The following PALLD variants were observed in gnomAD, a reference collection of about 807,000 sequenced individuals.
The protein encoded by PALLD is palladin, cytoskeletal associated protein, also known as palladin.
PALLD carries 61 observed loss-of-function variants against 123.5 expected under a neutral mutation model. That is an observed-to-expected ratio of 0.49 (90% CI 0.40 to 0.61). The LOEUF (loss-of-function observed/expected upper bound fraction) is 0.61, where lower values mean the gene tolerates loss of function less well. PALLD is among the 20% of genes least tolerant of loss of function. PALLD has a pLI of 0.00. For synonymous variants in PALLD, 465 were observed against 496.4 expected (o/e 0.94, Z 0.84); for missense variants, 1,273 against 1,377.0 (o/e 0.92, Z 1.20).
intron 6 of PALLD, among the ~76,000 whole-genome samples, chr4:168,687,159 A>G (rs1410684114): frequency 6.6e-6 from 1 of 152,232 alleles, no homozygotes; most frequent in Non-Finnish European, 1.5e-5. Flanking sequence ...TGTAATCTCC[A>G]TAGAAGGAGT....
intron 2 of PALLD, among the ~76,000 whole-genome samples, chr4:168,513,067 GAA>G (rs56067005): frequency 3.6e-5 from 5 of 140,096 alleles, no homozygotes; most frequent in Non-Finnish European, 6.3e-5. Context: ...AAGTTGGAAA[GAA>G]AAAAAAAAAA....
At chr4:168,678,005 C>T (rs1313480682) in intron 3 of PALLD, 2 of 152,466 alleles carry the variant, frequency 1.3e-5, no homozygotes, top group African/African-American at 2.4e-5. Context: ...ACAAGCTTTA[C>T]CACTTCCCAG....
At chr4:168,554,952 T>C (rs564013208) in intron 2 of PALLD, among the ~76,000 whole-genome samples, 41 of 152,198 alleles carry the variant, frequency 2.7e-4, no homozygotes, top group Non-Finnish European at 5.1e-4. Flanking sequence ...TGGAACAAAA[T>C]ACATTAAAAT....
chr4:168,723,891 C>CTTTTTTTTT (rs59055427), intron 10 of PALLD, among the ~76,000 whole-genome samples: 2 of 111,774 alleles, frequency 1.8e-5, no homozygotes, highest in African/African-American at 7.1e-5. Context: ...TTGAGTTGGG[C>CTTTTTTTTT]TTTTTTTTTT....
intron 5 of PALLD, 134 bp downstream of exon 5, chr4:168,683,237 A>G (rs1261710931): frequency 1.7e-6 from 1 of 575,642 alleles, no homozygotes; most frequent in Non-Finnish European, 3.1e-6. Flanking sequence ...AATTCAGAGC[A>G]AAGAAAATTG....
intron 10 of PALLD, among the ~76,000 whole-genome samples, chr4:168,725,522 C>CTTTTT (rs1210834634): frequency 5.1e-4 from 47 of 91,642 alleles, no homozygotes; most frequent in Non-Finnish European, 7.6e-4. Context: ...TCTTTAATTT[C>CTTTTT]TTTTTTTTTT....
At chr4:168,865,735 T>C (rs1393716624) in intron 10 of PALLD, among the ~76,000 whole-genome samples, 3 of 152,196 alleles carry the variant, frequency 2.0e-5, no homozygotes, top group Admixed American at 6.5e-5. Flanking sequence ...ATATTAGTGA[T>C]ATTCAGATGT....
chr4:168,676,981 G>A (rs142476216), intron 3 of PALLD, among the ~76,000 whole-genome samples: 64 of 152,244 alleles, frequency 4.2e-4, no homozygotes, highest in Non-Finnish European at 8.4e-4. Context: ...GATCGTCGGC[G>A]TGTGATTCCT....
At chr4:168,780,188 C>T (rs938984818) in intron 10 of PALLD, among the ~76,000 whole-genome samples, 2 of 152,274 alleles carry the variant, frequency 1.3e-5, no homozygotes, top group African/African-American at 2.4e-5. Flanking sequence ...CGTGGGCCAC[C>T]GCACCTGGTC....
At chr4:168,669,608 G>A (rs1448265139) in intron 3 of PALLD, among the ~76,000 whole-genome samples, 1 of 151,170 alleles carries the variant, frequency 6.6e-6, no homozygotes, top group Admixed American at 6.6e-5. Flanking sequence ...CTTAAAAAAA[G>A]AGAAAAATTT....
chr4:168,884,656 A>T (rs1182998890), intron 10 of PALLD, among the ~76,000 whole-genome samples: 1 of 152,246 alleles, frequency 6.6e-6, no homozygotes, highest in East Asian at 1.9e-4. Flanking sequence ...ACCTAGTTCA[A>T]CATTGTATTT....
intron 6 of PALLD, among the ~76,000 whole-genome samples, chr4:168,687,545 C>A (rs78889226): frequency 6.6e-6 from 1 of 152,130 alleles, no homozygotes; most frequent in Non-Finnish European, 1.5e-5. Context: ...GGGCCCAACA[C>A]GCCTCTTGGT....
intron 10 of PALLD, among the ~76,000 whole-genome samples, chr4:168,861,464 T>C (rs1050860462): frequency 6.6e-6 from 1 of 152,064 alleles, no homozygotes; most frequent in Non-Finnish European, 1.5e-5. Flanking sequence ...AGTGTTCTCT[T>C]TATATCTTTT....
At chr4:168,787,253 A>G (rs1023890057) in intron 10 of PALLD, among the ~76,000 whole-genome samples, 2 of 152,216 alleles carry the variant, frequency 1.3e-5, no homozygotes, top group Non-Finnish European at 2.9e-5. Flanking sequence ...CAGGAATCCT[A>G]AGATTAAATT....
chr4:168,709,807 T>C (rs1337878037), intron 9 of PALLD, among the ~76,000 whole-genome samples: 1 of 151,826 alleles, frequency 6.6e-6, no homozygotes, highest in East Asian at 1.9e-4. Context: ...AAAAAGATAA[T>C]GATCGTGTAG....
chr4:168,781,007 G>A (rs1735839019), intron 10 of PALLD, among the ~76,000 whole-genome samples: 1 of 152,176 alleles, frequency 6.6e-6, no homozygotes, highest in Non-Finnish European at 1.5e-5. Context: ...TTTCAAAAGA[G>A]CCATAGATAG....
At chr4:168,515,652 A>G (rs77810895) in intron 2 of PALLD, among the ~76,000 whole-genome samples, 7,368 of 152,298 alleles carry the variant, frequency 0.048, 255 homozygotes, top group Non-Finnish European at 0.074. Flanking sequence ...GCGTCACAGG[A>G]AAACATGGCA....
intron 10 of PALLD, among the ~76,000 whole-genome samples, chr4:168,835,070 A>G (rs1194280380): frequency 6.6e-6 from 1 of 152,208 alleles, no homozygotes; most frequent in African/African-American, 2.4e-5. Context: ...TGTCCAAACA[A>G]TTGTTGATTT....
intron 10 of PALLD, among the ~76,000 whole-genome samples, chr4:168,776,326 G>C (rs1255079322): frequency 6.6e-6 from 1 of 152,068 alleles, no homozygotes; most frequent in Non-Finnish European, 1.5e-5. Flanking sequence ...TTTATTCCTA[G>C]TATGTAGAAA....
Sources: gnomAD v4.1 joint callset for allele counts (sites outside exome capture counted in the v4.1 genomes callset) on GRCh38, gnomAD v4.1.1 for gene constraint, MANE v1.5 for transcripts, NCBI Gene and HGNC (gene_info 2026-07-23, HGNC 2026-07-21) for gene names.